The following MEI4 variants were observed in gnomAD, a reference collection of about 807,000 sequenced individuals.
The protein encoded by MEI4 is meiotic double-stranded break formation protein 4.
A neutral mutation model predicts 31.4 loss-of-function variants in MEI4; 27 were observed. That is an observed-to-expected ratio of 0.86 (90% CI 0.63 to 1.19). MEI4 has a LOEUF of 1.19. Among genes scored for constraint, MEI4 ranks in the 50% most tolerant of loss-of-function variants. MEI4 has a pLI of 0.00. For synonymous variants in MEI4, 122 were observed against 145.4 expected (o/e 0.84, Z 1.16); for missense variants, 329 against 398.9 (o/e 0.82, Z 1.49).
chr6:77,661,773 AT>A (rs1305455750), intron 1 of MEI4, among the ~76,000 whole-genome samples: 1 of 151,904 alleles, frequency 6.6e-6, no homozygotes, highest in Non-Finnish European at 1.5e-5. Flanking sequence ...TCTAAGAACC[AT>A]TTGCCTTGTG....
At chr6:77,892,257 G>A (rs1175752446) in intron 4 of MEI4, among the ~76,000 whole-genome samples, 3 of 152,176 alleles carry the variant, frequency 2.0e-5, no homozygotes, top group Non-Finnish European at 4.4e-5. Flanking sequence ...TGGTGGTAAA[G>A]GCAACCTTTC....
intron 4 of MEI4, among the ~76,000 whole-genome samples, chr6:77,839,850 G>A (rs1770315041): frequency 6.6e-6 from 1 of 152,102 alleles, no homozygotes; most frequent in South Asian, 2.1e-4. Context: ...ATAATTCTTA[G>A]TATTTCTAGG....
At chr6:77,837,207 G>A (rs974439017) in intron 4 of MEI4, among the ~76,000 whole-genome samples, 3 of 152,092 alleles carry the variant, frequency 2.0e-5, no homozygotes, top group Admixed American at 2.0e-4. Flanking sequence ...ACTCTCCAAG[G>A]ATAAACTAAA....
chr6:77,769,419 C>T (rs1272410541), intron 3 of MEI4, among the ~76,000 whole-genome samples: 1 of 152,146 alleles, frequency 6.6e-6, no homozygotes, highest in African/African-American at 2.4e-5. Flanking sequence ...ACATGAAAGG[C>T]AACCTAGACC....
chr6:77,797,621 C>G (rs1410080857), intron 3 of MEI4, among the ~76,000 whole-genome samples: 1 of 152,036 alleles, frequency 6.6e-6, no homozygotes, highest in Admixed American at 6.6e-5. Context: ...TCCAGGAGTC[C>G]AAAGGTTGAA....
At chr6:77,908,386 C>T (rs1766349377) in intron 4 of MEI4, among the ~76,000 whole-genome samples, 1 of 152,136 alleles carries the variant, frequency 6.6e-6, no homozygotes, top group South Asian at 2.1e-4. Flanking sequence ...GTTTTCCCAG[C>T]ACCATTTATT....
At chr6:77,837,730 TAAAC>T in intron 4 of MEI4, among the ~76,000 whole-genome samples, 1 of 152,302 alleles carries the variant, frequency 6.6e-6, no homozygotes, top group South Asian at 2.1e-4. Flanking sequence ...TATCCTGATT[TAAAC>T]AAACCAAAAA....
At chr6:77,917,365 G>A (rs1288537143) in intron 4 of MEI4, among the ~76,000 whole-genome samples, 1 of 150,808 alleles carries the variant, frequency 6.6e-6, no homozygotes, top group Non-Finnish European at 1.5e-5. Context: ...CACAATGGTT[G>A]TACTAGTTTA....
chr6:77,852,588 T>C (rs1388024976), intron 4 of MEI4, among the ~76,000 whole-genome samples: 1 of 150,202 alleles, frequency 6.7e-6, no homozygotes, highest in Admixed American at 6.7e-5. Context: ...GTTGTTTGTT[T>C]TTTTTTTTTG....
In MEI4 at chr6:77,786,373, A is replaced by G. The variant is rs116168831; in HGVS notation, c.768+24708A>G. ...AGAATAAATAGAGTAATATATATTG[A>G]ATAAATCATTAATAATTTCCTTTAA... is the stretch of plus-strand genomic sequence containing the variant. On this transcript the variant is annotated intron_variant, in intron 3 of 4. Transcript: ENST00000684080. 7.8e-3 allele frequency among the ~76,000 whole-genome samples: 1,191 copies of G among 152,240 alleles called. 19 individuals are homozygous for G. Among genetic ancestry groups the G allele is most frequent in the African/African-American group, 0.027 (1,142 of 41,550 alleles).
chr6:77,834,349 TTGAC>T (rs1770156385), intron 4 of MEI4, among the ~76,000 whole-genome samples: 1 of 148,838 alleles, frequency 6.7e-6, no homozygotes, highest in Non-Finnish European at 1.5e-5. Context: ...TTCTCTGTTT[TTGAC>T]TGGTTTCTAG....
At chr6:77,745,005 CTGCAAAATCA>C (rs1385770565) in intron 2 of MEI4, among the ~76,000 whole-genome samples, 2 of 152,192 alleles carry the variant, frequency 1.3e-5, no homozygotes, top group Non-Finnish European at 2.9e-5. Flanking sequence ...GTACCAGCCA[CTGCAAAATCA>C]TGCGAAATTG....
At chr6:77,683,206 GCTT>G (rs1459810467) in intron 1 of MEI4, among the ~76,000 whole-genome samples, 7 of 151,880 alleles carry the variant, frequency 4.6e-5, no homozygotes, top group African/African-American at 9.7e-5. Context: ...CATACAAAAT[GCTT>G]CTTCATTTTG....
At chr6:77,673,796 A>G (rs1335820817) in intron 1 of MEI4, among the ~76,000 whole-genome samples, 1 of 152,200 alleles carries the variant, frequency 6.6e-6, no homozygotes, top group Non-Finnish European at 1.5e-5. Context: ...TAAACTTGCC[A>G]CAACAAATTG....
At chr6:77,911,533 C>T (rs1168477582) in intron 4 of MEI4, among the ~76,000 whole-genome samples, 1 of 151,882 alleles carries the variant, frequency 6.6e-6, no homozygotes, top group Non-Finnish European at 1.5e-5. Flanking sequence ...CAATGTTTAG[C>T]TTCCACTTAT....
chr6:77,851,679 T>C (rs1770627449), intron 4 of MEI4, among the ~76,000 whole-genome samples: 1 of 151,554 alleles, frequency 6.6e-6, no homozygotes, highest in East Asian at 2.0e-4. Flanking sequence ...ATATACCTAA[T>C]GTAAATGACG....
intron 2 of MEI4, among the ~76,000 whole-genome samples, chr6:77,749,817 T>A (rs761240161): frequency 1.3e-5 from 2 of 151,960 alleles, no homozygotes; most frequent in African/African-American, 4.8e-5. Flanking sequence ...CACATAATGA[T>A]CAGATTCACC....
intron 2 of MEI4, among the ~76,000 whole-genome samples, chr6:77,743,315 T>A (rs937654353): frequency 6.6e-6 from 1 of 152,176 alleles, no homozygotes. Flanking sequence ...GGTTTGTAGT[T>A]CTCCTTGAAG....
At chr6:77,748,696 G>T (rs1233248820) in intron 2 of MEI4, among the ~76,000 whole-genome samples, 1 of 152,196 alleles carries the variant, frequency 6.6e-6, no homozygotes, top group Non-Finnish European at 1.5e-5. Flanking sequence ...TTTCTCCCAA[G>T]AAAATAGGTT....
Sources: gnomAD v4.1 joint callset for allele counts (sites outside exome capture counted in the v4.1 genomes callset) on GRCh38, gnomAD v4.1.1 for gene constraint, MANE v1.5 for transcripts, NCBI Gene and HGNC (gene_info 2026-07-23, HGNC 2026-07-21) for gene names.